Variants in DNAH10 observed in about 807,000 individuals in gnomAD.
The protein encoded by DNAH10 is dynein axonemal heavy chain 10.
In DNAH10, 348 loss-of-function variants were observed where a neutral mutation model predicts 506.6. That is an observed-to-expected ratio of 0.69 (90% CI 0.63 to 0.75). DNAH10 has a LOEUF of 0.75. DNAH10 is among the 30% of genes least tolerant of loss of function. The pLI is 0.00. For missense variants in DNAH10, 5,179 were observed against 5,787.1 expected (o/e 0.89, Z 3.41); for synonymous variants, 2,059 against 2,198.6 (o/e 0.94, Z 1.78).
intron 26 of DNAH10, among the ~76,000 whole-genome samples, chr12:123,832,824 C>G (rs187498727): frequency 3.2e-4 from 49 of 152,264 alleles, no homozygotes; most frequent in African/African-American, 1.1e-3. Flanking sequence ...TGTCTGAGCC[C>G]CAGTTGCCAT....
intron 18 of DNAH10, among the ~76,000 whole-genome samples, chr12:123,805,568 C>T (rs1316973322): frequency 6.6e-6 from 1 of 152,182 alleles, no homozygotes; most frequent in Non-Finnish European, 1.5e-5. Context: ...ATTGGTGGCC[C>T]ACAGACTGTT....
rs763644437 is a variant in DNAH10, at chr12:123,926,614, T to G, written c.11922-23T>G. ...TGGAGCTGTCCTCGCGGGAGAGTTT[T>G]CTGACTGTGTTTCTTTCACCAGGTA... On this transcript the variant is annotated intron_variant, in intron 68 of 78. Coordinates refer to ENST00000673944, the MANE Select transcript of DNAH10 (RefSeq NM_001372106.1). The surrounding 1 kb of genome is among the most constrained non-coding windows in gnomAD (Gnocchi z 4.1). 2 of 1,606,386 alleles carry G rather than the reference T, an allele frequency of 1.2e-6. No homozygotes were observed. The highest frequency in any genetic ancestry group is 2.2e-5 in the South Asian group (2 of 90,564).
chr12:123,875,632 T>C, intron 47 of DNAH10, 141 bp downstream of exon 47: 1 of 1,062,396 alleles, frequency 9.4e-7, no homozygotes, highest in South Asian at 1.6e-5. Context: ...TTTTAATTTC[T>C]TGCAAAATCA....
intron 10 of DNAH10, 59 bp downstream of exon 10, chr12:123,788,061 AGTGGCCCCCTCC>A: frequency 6.5e-7 from 1 of 1,540,058 alleles, no homozygotes; most frequent in Non-Finnish European, 8.8e-7. Flanking sequence ...GGCTTTTGAC[AGTGGCCCCCTCC>A]GTGTCAGGTA....
chr12:123,820,521 T>A (rs1353420833), intron 23 of DNAH10, 59 bp from the exon 24 acceptor site: 3 of 1,516,532 alleles, frequency 2.0e-6, no homozygotes, highest in Admixed American at 1.9e-5. Flanking sequence ...TGATTTCTTA[T>A]TCAATTTTGT....
At position 123,923,866 on chromosome 12, in the gene DNAH10, A is replaced by G. The variant is rs1335375474; in HGVS notation, c.11610A>G (p.Lys3870=). Residue 3870 remains lysine (K), a splice_region_variant and synonymous_variant, in exon 66 of 79, where the codon AAA becomes AAG. Coordinates refer to ENST00000673944, the MANE Select transcript of DNAH10 (RefSeq NM_001372106.1). ...VPQEELDFFL[K]GNISLEKSKR... ...AAGAAGAACTAGATTTCTTTTTAAAAGGTAATGAATTTGCCTAGCTTCATT... is the reference window on the plus strand; with the variant it reads ...AAGAAGAACTAGATTTCTTTTTAAAGGGTAATGAATTTGCCTAGCTTCATT... The G allele has an allele frequency of 6.2e-7, 1 of 1,605,982 alleles. No individual in the cohort carries two copies. Among genetic ancestry groups the G allele is most frequent in the Admixed American group, 1.7e-5 (1 of 58,904 alleles).
intron 46 of DNAH10, 96 bp from the exon 47 acceptor site, chr12:123,875,135 G>A: frequency 7.0e-7 from 1 of 1,424,818 alleles, no homozygotes; most frequent in Non-Finnish European, 9.4e-7. Context: ...GAGAGTAACG[G>A]GAAAAATGAG....
At chr12:123,918,415 A>G (rs1012609211) in intron 64 of DNAH10, among the ~76,000 whole-genome samples, 2 of 152,248 alleles carry the variant, frequency 1.3e-5, no homozygotes, top group African/African-American at 4.8e-5. Flanking sequence ...GTGGAACCCC[A>G]TATGGGAAGA....
At position 123,762,555 on chromosome 12, in the gene DNAH10, G is replaced by T; in HGVS notation, c.214+5G>T. The T allele has an allele frequency of 6.5e-7, 1 of 1,549,134 alleles. No individual in the cohort carries two copies. The highest frequency in any genetic ancestry group is 8.7e-7 in the Non-Finnish European group (1 of 1,148,384). On this transcript the variant is annotated splice_donor_5th_base_variant and intron_variant, in intron 1 of 78. Coordinates refer to ENST00000673944, the MANE Select transcript of DNAH10 (RefSeq NM_001372106.1). This position sits in a 1 kb window ranked among gnomAD's most constrained non-coding sequence, Gnocchi z 5.0. The stretch of plus-strand genomic sequence containing the variant: ...AGGAGGTGGAGGTGGAGATTGGTGA[G>T]CCTCGACGCGCCGCTCCCTTCCCCG...
chr12:123,851,493 T>C (rs1339879081), intron 35 of DNAH10, among the ~76,000 whole-genome samples: 1 of 152,192 alleles, frequency 6.6e-6, no homozygotes, highest in Admixed American at 6.5e-5. Flanking sequence ...TAACTTTTAA[T>C]TTTGGAATAA....
Position 123,800,338 on chromosome 12 carries a change from T to C in DNAH10, c.2412T>C (p.Thr804=), listed in dbSNP as rs777244963. 9.9e-6 allele frequency: 16 copies of C among 1,614,062 alleles called. No homozygotes were observed. In the East Asian group the frequency reaches 3.3e-4, roughly 34 times the overall value. Residue 804 remains threonine, a synonymous_variant, in exon 15 of 79, where the codon ACT becomes ACC. Transcript: ENST00000673944. Reference sequence around the variant, plus strand: ...AGTACTTAGAGCAGCTGGGGTTCACTGTCCCTGAATTAGCAAGAAATGTTG... The same window carrying C: ...AGTACTTAGAGCAGCTGGGGTTCACCGTCCCTGAATTAGCAAGAAATGTTG... ...ETKYLEQLGF[T]VPELARNVAL... is the part of the protein sequence containing the mutation.
chr12:123,851,713 G>A (rs1951184208), intron 35 of DNAH10, among the ~76,000 whole-genome samples: 2 of 152,188 alleles, frequency 1.3e-5, no homozygotes, highest in South Asian at 4.1e-4. Context: ...GTTCTATGAC[G>A]TTTTATCACA....
intron 66 of DNAH10, 100 bp downstream of exon 66, chr12:123,923,967 T>A: frequency 2.1e-6 from 2 of 950,512 alleles, no homozygotes; most frequent in Non-Finnish European, 3.1e-6. Context: ...AAATTCTCCT[T>A]AAAACTTGGC....
In DNAH10 at chr12:123,845,609, G is replaced by A. The variant is rs1260485860; in HGVS notation, c.5370G>A (p.Trp1790Ter). The change falls in exon 31 of 79, where the codon TGG becomes TGA. Residue 1790 changes from tryptophan (W) to a stop codon, truncating the protein, a stop_gained. Transcript: ENST00000673944. LOFTEE classifies it high-confidence loss of function. ...RYCEDRSRVD[W>*]MLLYQGMVVL... Reference sequence around the variant, plus strand: ...TGTGCGTTTTCTGCAGAGTCGACTGGATGCTCCTGTACCAGGGCATGGTGG... The same window carrying A: ...TGTGCGTTTTCTGCAGAGTCGACTGAATGCTCCTGTACCAGGGCATGGTGG... 1.2e-6 allele frequency: 2 copies of A among 1,612,796 alleles called. No homozygotes were observed. The highest frequency in any genetic ancestry group is 1.1e-5 in the South Asian group (1 of 91,086).
chr12:123,909,629 G>A lies in DNAH10; in HGVS notation c.9997+187G>A, dbSNP rs943890058. On this transcript the variant is annotated intron_variant, in intron 58 of 78. Transcript: ENST00000673944. The surrounding 1 kb of genome is among the most constrained non-coding windows in gnomAD (Gnocchi z 5.4). ...ACAGCAGCCCCATGACGTGACCCAG[G>A]GAGAGTGGCTGGGGATGCGCGGCGG... Among the ~76,000 whole-genome samples the A allele has an allele frequency of 2.0e-5, 3 of 152,234 alleles. No homozygotes were observed. The highest frequency in any genetic ancestry group is 4.4e-5 in the Non-Finnish European group (3 of 68,050).
intron 70 of DNAH10, 85 bp from the exon 71 acceptor site, chr12:123,929,190 A>G (rs963667817): frequency 7.2e-6 from 10 of 1,381,720 alleles, no homozygotes; most frequent in Non-Finnish European, 8.0e-6. Context: ...GAGAGGAAGG[A>G]AAGCGCAGTG....
rs77491573 is a variant in DNAH10, at chr12:123,803,717, G to A, written c.2671G>A (p.Val891Ile). Residue 891 changes from valine (V) to isoleucine (I), a missense_variant, in exon 17 of 79, where the codon GTC becomes ATC. Val to Ile is a conservative substitution (Grantham distance 29). Around this residue, in one of 3 missense-constraint regions of DNAH10, gnomAD observed 4,844 missense variants for 5,430.5 expected, o/e 0.89. Transcript: ENST00000673944. Reference sequence around the variant, plus strand: ...GGCCATTGGGAAATTTGAGTCTCTCGTCCACCAGATTCATAAGAATGCAGA... The same window carrying A: ...GGCCATTGGGAAATTTGAGTCTCTCATCCACCAGATTCATAAGAATGCAGA... ...KQAIGKFESLVHQIHKNADDI... is the reference protein window; with the variant it reads ...KQAIGKFESLIHQIHKNADDI... 82,562 of 1,610,170 alleles carry A rather than the reference G, an allele frequency of 0.051. 3,914 individuals carry two copies. Among genetic ancestry groups the A allele is most frequent in the African/African-American group, 0.25 (18,774 of 74,592 alleles).
intron 73 of DNAH10, 21 bp from the exon 74 acceptor site, chr12:123,931,320 C>T (rs778491813): frequency 2.4e-5 from 38 of 1,612,464 alleles, no homozygotes; most frequent in African/African-American, 9.3e-5. Context: ...GTGCCACCTC[C>T]GTTGTTCTCT....
intron 62 of DNAH10, among the ~76,000 whole-genome samples, chr12:123,915,451 CAG>C (rs1285277621): frequency 6.6e-6 from 1 of 152,140 alleles, no homozygotes; most frequent in Admixed American, 6.5e-5. Flanking sequence ...TACCAATCAC[CAG>C]AGTCAGTCTT....
Sources: gnomAD v4.1 joint callset for allele counts (sites outside exome capture counted in the v4.1 genomes callset) on GRCh38, gnomAD v4.1.1 for gene constraint, gnomAD v4.1.1 regional missense constraint, Gnocchi (gnomAD v3.1) non-coding constraint, MANE v1.5 for transcripts, NCBI Gene and HGNC (gene_info 2026-07-23, HGNC 2026-07-21) for gene names.